MAP1B: variants seen among roughly 807,000 people sequenced by gnomAD.
The protein encoded by MAP1B is microtubule associated protein 1B.
In MAP1B, 12 loss-of-function variants were observed where a neutral mutation model predicts 176.1. The observed-to-expected ratio is 0.07, with a 90% CI of 0.04 to 0.11. The LOEUF is 0.11. MAP1B is among the 10% of genes least tolerant of loss of function. MAP1B has a pLI of 1.00. For synonymous variants in MAP1B, 1,044 were observed against 1,135.0 expected (o/e 0.92, Z 1.61); for missense variants, 2,523 against 2,990.5 (o/e 0.84, Z 3.65).
chr5:72,136,766 A>G (rs1163575853), intron 2 of MAP1B, among the ~76,000 whole-genome samples: 1 of 152,156 alleles, frequency 6.6e-6, no homozygotes, highest in Non-Finnish European at 1.5e-5. Flanking sequence ...CTATAAACAT[A>G]TACATTTTGA....
intron 2 of MAP1B, among the ~76,000 whole-genome samples, chr5:72,165,770 G>A (rs1746415493): frequency 6.6e-6 from 1 of 152,156 alleles, no homozygotes; most frequent in Non-Finnish European, 1.5e-5. Context: ...ATTAAAATGT[G>A]AAAAAGCTCA....
chr5:72,124,422 C>CT (rs2112132471), intron 2 of MAP1B, among the ~76,000 whole-genome samples: 1 of 152,190 alleles, frequency 6.6e-6, no homozygotes, highest in African/African-American at 2.4e-5. Context: ...GAAATTGATG[C>CT]TTATAGAAAA....
rs749379057 is a variant in MAP1B at position 72,195,394 on chromosome 5, T to G, written c.2039T>G (p.Val680Gly). 1 of 1,536,910 alleles carries G rather than the reference T, an allele frequency of 6.5e-7. No homozygotes were observed. Among genetic ancestry groups the G allele is most frequent in the Non-Finnish European group, 8.7e-7 (1 of 1,148,070 alleles). ...KKEEKPKKEE[V>G]KKEVKKEIKK... ...GAGGAAAAACCAAAAAAGGAAGAGG[T>G]GAAAAAAGAAGTCAAAAAAGAGATC... The change falls in exon 5 of 7, where the codon GTG (valine) becomes GGG (glycine). Residue 680 changes from valine (V) to glycine (G), a missense_variant. Val to Gly is a moderately radical substitution (Grantham distance 109). Transcript: ENST00000296755.
chr5:72,200,366 A>T lies in MAP1B; in HGVS notation c.7011A>T (p.Ala2337=), dbSNP rs1260995294. ...CCAAGTCGGCCAAGACCGCCACTGC[A>T]GGTAGGTTGAGAAGGCTGGGCATTG... ...SASKSAKTAT[A]GPGTTKTTKS... is the part of the protein sequence containing the mutation. The change falls in exon 5 of 7, where the codon GCA becomes GCT. Residue 2337 remains alanine, a splice_region_variant and synonymous_variant. Transcript: ENST00000296755. The T allele has an allele frequency of 6.2e-7, 1 of 1,612,884 alleles. No homozygotes were observed. The highest frequency in any genetic ancestry group is 8.5e-7 in the Non-Finnish European group (1 of 1,179,488).
At chr5:72,152,156 C>T (rs1041826932) in intron 2 of MAP1B, among the ~76,000 whole-genome samples, 1 of 152,154 alleles carries the variant, frequency 6.6e-6, no homozygotes, top group African/African-American at 2.4e-5. Flanking sequence ...TCTAAAGGTG[C>T]ACACCAGAAC....
rs1444837114 is a variant in MAP1B at position 72,199,868 on chromosome 5, C to T, written c.6513C>T (p.Ser2171=). 2 of 1,614,190 alleles carry T rather than the reference C, an allele frequency of 1.2e-6. No individual in the cohort carries two copies. Among genetic ancestry groups the T allele is most frequent in the Admixed American group, 1.7e-5 (1 of 60,030 alleles). Reference sequence around the variant, plus strand: ...CCCCGGAGACTGAAGAGTGCCCCTCCATCACGGCCGATGCCAATATCGACT... The same window carrying T: ...CCCCGGAGACTGAAGAGTGCCCCTCTATCACGGCCGATGCCAATATCGACT... ...DVPPETEECP[S]ITADANIDSE... is the part of the protein sequence containing the mutation. The change falls in exon 5 of 7, where the codon TCC becomes TCT. Residue 2171 remains serine (S), a synonymous_variant. Transcript: ENST00000296755. The surrounding 1 kb of genome is among the most constrained non-coding windows in gnomAD (Gnocchi z 4.2).
chr5:72,129,513 T>G (rs1045759252), intron 2 of MAP1B, among the ~76,000 whole-genome samples: 2 of 151,766 alleles, frequency 1.3e-5, no homozygotes, highest in African/African-American at 4.8e-5. Flanking sequence ...GCCGAGATTG[T>G]GCCACTGCAC....
chr5:72,200,395 A>T, intron 5 of MAP1B, 28 bp downstream of exon 5: 1 of 1,603,120 alleles, frequency 6.2e-7, no homozygotes, highest in African/African-American at 1.3e-5. Flanking sequence ...GGCATTGGAT[A>T]TATGTCACAA....
rs961343461 is a variant in MAP1B at position 72,115,792 on chromosome 5, A to T, written c.279A>T (p.Glu93Asp). ...VSRHSARFSP[E>D]VPGQKILHHR... ...GACACTCTGCAAGATTCTCTCCTGA[A>T]GTCCCAGGTGAGGCTTCCGCTCAGT... The change falls in exon 2 of 7, where the codon GAA (glutamate) becomes GAT (aspartate). Residue 93 changes from glutamate to aspartate, a missense_variant. Physicochemically the swap from Glu to Asp is conservative, Grantham distance 45. This residue lies in a region of MAP1B where 307 missense variants were observed against 438.4 expected (regional missense o/e 0.70). Transcript: ENST00000296755. 1 of 1,610,880 alleles carries T rather than the reference A, an allele frequency of 6.2e-7. No individual in the cohort carries two copies. Among genetic ancestry groups the T allele is most frequent in the East Asian group, 2.2e-5 (1 of 44,864 alleles).
chr5:72,180,676 T>C (rs1746746285), intron 2 of MAP1B, among the ~76,000 whole-genome samples: 1 of 152,218 alleles, frequency 6.6e-6, no homozygotes, highest in Non-Finnish European at 1.5e-5. Flanking sequence ...TTGTTCTGTT[T>C]TGGAGTTTAT....
At chr5:72,136,268 C>T (rs1210230723) in intron 2 of MAP1B, among the ~76,000 whole-genome samples, 1 of 152,172 alleles carries the variant, frequency 6.6e-6, no homozygotes, top group Admixed American at 6.5e-5. Flanking sequence ...AACTATCTGA[C>T]ATACAGGACA....
chr5:72,170,806 A>G (rs3098381), intron 2 of MAP1B, among the ~76,000 whole-genome samples: 71,035 of 151,914 alleles, frequency 0.47, 17,252 homozygotes, highest in African/African-American at 0.59. Context: ...AATGATCCAG[A>G]TGTGGTAGCA....
intron 2 of MAP1B, among the ~76,000 whole-genome samples, chr5:72,128,093 A>G (rs1207238151): frequency 2.6e-5 from 4 of 152,214 alleles, no homozygotes; most frequent in Non-Finnish European, 1.5e-5. Context: ...TTCAGGCAAG[A>G]TGAGTGCACA....
At chr5:72,108,572 G>C (rs191952212) in intron 1 of MAP1B, among the ~76,000 whole-genome samples, 1 of 152,208 alleles carries the variant, frequency 6.6e-6, no homozygotes, top group African/African-American at 2.4e-5. Context: ...GTACGCCGGG[G>C]ACCCTGGGCG....
At chr5:72,130,961 C>A (rs115458791) in intron 2 of MAP1B, among the ~76,000 whole-genome samples, 16 of 152,272 alleles carry the variant, frequency 1.1e-4, no homozygotes, top group Non-Finnish European at 2.1e-4. Flanking sequence ...ATTCTTAGGA[C>A]ACAATTACTT....
intron 2 of MAP1B, among the ~76,000 whole-genome samples, chr5:72,179,301 T>C (rs540697471): frequency 1.3e-5 from 2 of 152,258 alleles, no homozygotes; most frequent in East Asian, 3.9e-4. Context: ...AGTTAACAAT[T>C]CATGGGGCTG....
intron 2 of MAP1B, among the ~76,000 whole-genome samples, chr5:72,166,698 C>G (rs1419040330): frequency 6.6e-6 from 1 of 152,210 alleles, no homozygotes; most frequent in African/African-American, 2.4e-5. Flanking sequence ...GTCTTTATGA[C>G]TATTCGCCGA....
intron 2 of MAP1B, among the ~76,000 whole-genome samples, chr5:72,154,830 T>C (rs1746200552): frequency 1.3e-5 from 2 of 152,246 alleles, no homozygotes; most frequent in Non-Finnish European, 2.9e-5. Context: ...ACCAGCATCC[T>C]GGTAATTCCT....
At position 72,198,623 on chromosome 5, in the gene MAP1B, C is replaced by T. The variant is rs1747244050; in HGVS notation, c.5268C>T (p.Pro1756=). ...ATACTCTATCCGATGTTGCTCCTCC[C>T]AGAGATATGTCCTTATATGCCTCAC... The part of the protein sequence containing the change: ...QEDTLSDVAP[P]RDMSLYASLT... Residue 1756 remains proline (P), a synonymous_variant, in exon 5 of 7, where the codon CCC becomes CCT. Coordinates refer to ENST00000296755, the MANE Select transcript of MAP1B (RefSeq NM_005909.5). 6 of 1,614,152 alleles carry T rather than the reference C, an allele frequency of 3.7e-6. No individual in the cohort carries two copies. Among genetic ancestry groups the T allele is most frequent in the Non-Finnish European group, 5.1e-6 (6 of 1,180,028 alleles).
Sources: allele counts gnomAD v4.1 joint callset (sites outside exome capture counted in the v4.1 genomes callset), GRCh38; gene constraint gnomAD v4.1.1; regional missense constraint gnomAD v4.1.1; non-coding constraint Gnocchi (gnomAD v3.1); transcripts MANE v1.5; gene names NCBI Gene and HGNC (gene_info 2026-07-23, HGNC 2026-07-21).